TEAD1: variants seen among roughly 807,000 people sequenced by gnomAD.
TEAD1 encodes the protein TEA domain transcription factor 1.
TEAD1 carries 9 observed loss-of-function variants against 54.9 expected under a neutral mutation model. That is an observed-to-expected ratio of 0.16 (90% confidence interval 0.10 to 0.29). The LOEUF is 0.29. TEAD1 is among the 10% of genes least tolerant of loss of function. The pLI is 1.00. For synonymous variants in TEAD1, 200 were observed against 187.8 expected, an observed-to-expected ratio of 1.07 and a Z score of -0.53; for missense variants, 387 against 535.9, an observed-to-expected ratio of 0.72 and a Z score of 2.74.
At chr11:12,932,060 CAT>C (rs1248064715) in intron 12 of TEAD1, among the ~76,000 whole-genome samples, 3 of 152,208 alleles carry the variant, frequency 2.0e-5, no homozygotes, top group Non-Finnish European at 4.4e-5. Context: ...GATAATTTTG[CAT>C]ATAATTTTCG....
intron 2 of TEAD1, among the ~76,000 whole-genome samples, chr11:12,756,555 A>G (rs1349536551): frequency 6.6e-6 from 1 of 152,226 alleles, no homozygotes; most frequent in Non-Finnish European, 1.5e-5. Context: ...CATTCCTCTC[A>G]GCTGCCCACA....
At chr11:12,799,307 T>G (rs1946002486) in intron 3 of TEAD1, among the ~76,000 whole-genome samples, 1 of 152,278 alleles carries the variant, frequency 6.6e-6, no homozygotes, top group Admixed American at 6.5e-5. Flanking sequence ...CACAGAGCAC[T>G]GAAGGCGCTT....
chr11:12,936,040 T>G (rs563584690), intron 12 of TEAD1, among the ~76,000 whole-genome samples: 82 of 152,322 alleles, frequency 5.4e-4, no homozygotes, highest in African/African-American at 1.9e-3. Flanking sequence ...AAATTAGGCC[T>G]ATAACAAACT....
intron 9 of TEAD1, among the ~76,000 whole-genome samples, chr11:12,886,876 T>G (rs11022533): frequency 6.6e-5 from 10 of 151,866 alleles, no homozygotes; most frequent in Non-Finnish European, 1.3e-4. Flanking sequence ...CTAATAGATA[T>G]GTTGATGTTT....
intron 5 of TEAD1, among the ~76,000 whole-genome samples, chr11:12,868,844 CT>C (rs1947680129): frequency 7.1e-6 from 1 of 140,594 alleles, no homozygotes; most frequent in African/African-American, 2.4e-5. Context: ...GAACATTGAA[CT>C]TTTCTGTTAT....
chr11:12,774,371 A>G (rs1203586707), intron 3 of TEAD1, among the ~76,000 whole-genome samples: 5 of 152,222 alleles, frequency 3.3e-5, no homozygotes, highest in Non-Finnish European at 7.3e-5. Context: ...GCATTTTTAA[A>G]GAAGGTACCG....
chr11:12,730,308 T>C (rs1944393451), intron 2 of TEAD1, among the ~76,000 whole-genome samples: 1 of 152,150 alleles, frequency 6.6e-6, no homozygotes, highest in South Asian at 2.1e-4. Context: ...TTACTGCCAT[T>C]TCATAGTTGA....
rs1461148875 is a variant in TEAD1, at chr11:12,857,576, C to CTGTGTGTGTGTGTG, written c.203-4673_203-4672insGTGTGTGTGTGTGT. Reference sequence around the variant, plus strand: ...GAATCAAGCATCTCTCTCTCTCTGTCTCTGTGTGTGTGTGTGTGTGTGTGT... The same window carrying CTGTGTGTGTGTGTG: ...GAATCAAGCATCTCTCTCTCTCTGTCTGTGTGTGTGTGTGTCTGTGTGTGTGTGTGTGTGTGTGT... On this transcript the variant is annotated intron_variant, in intron 3 of 12. Transcript: ENST00000527636. Among the ~76,000 whole-genome samples the CTGTGTGTGTGTGTG allele has an allele frequency of 1.3e-4, 9 of 67,962 alleles. 1 individual carries two copies. In the East Asian group the frequency reaches 5.1e-3, roughly 39 times the overall value. The allele number at this position is 67,962 out of a possible 152,430, so 44.6% of individuals were successfully genotyped here.
intron 5 of TEAD1, among the ~76,000 whole-genome samples, chr11:12,870,179 C>T (rs1016335031): frequency 6.6e-5 from 10 of 152,272 alleles, no homozygotes; most frequent in African/African-American, 1.9e-4. Flanking sequence ...TGCGCCCAGC[C>T]GATTTTTGCC....
At chr11:12,747,850 G>A (rs10765989) in intron 2 of TEAD1, among the ~76,000 whole-genome samples, 63,017 of 152,008 alleles carry the variant, frequency 0.41, 13,283 homozygotes, top group South Asian at 0.62. Flanking sequence ...GGCACAGGTA[G>A]TAAGTGGAGG....
chr11:12,886,624 C>G (rs1251143970), intron 9 of TEAD1, among the ~76,000 whole-genome samples: 2 of 151,806 alleles, frequency 1.3e-5, no homozygotes, highest in Non-Finnish European at 2.9e-5. Context: ...TCAGGGGATG[C>G]TAACTGCTTA....
At chr11:12,889,324 C>G (rs973502257) in intron 9 of TEAD1, among the ~76,000 whole-genome samples, 1 of 152,124 alleles carries the variant, frequency 6.6e-6, no homozygotes, top group Non-Finnish European at 1.5e-5. Context: ...TGAAAGTACA[C>G]AGGGAGTGGT....
rs944041461 is a variant in TEAD1 at position 12,718,217 on chromosome 11, C to T, written c.-55+42656C>T. Among the ~76,000 whole-genome samples the T allele has an allele frequency of 5.3e-4, 81 of 152,132 alleles. 1 individual carries two copies. The highest frequency in any genetic ancestry group is 1.7e-3 in the African/African-American group (69 of 41,428). ...GGCATTCTTTGTGAGTAGTGGTTCA[C>T]GGAGGATGCTTGGCCCAGCCACAAC... On this transcript the variant is annotated intron_variant, in intron 2 of 12. Transcript: ENST00000527636.
chr11:12,855,447 G>C (rs1045400396), intron 3 of TEAD1, among the ~76,000 whole-genome samples: 5 of 151,746 alleles, frequency 3.3e-5, no homozygotes, highest in African/African-American at 9.7e-5. Flanking sequence ...GTGCCACCAC[G>C]CCCAGCTTAT....
intron 3 of TEAD1, among the ~76,000 whole-genome samples, chr11:12,817,996 T>C (rs1946451623): frequency 6.6e-6 from 1 of 152,242 alleles, no homozygotes; most frequent in African/African-American, 2.4e-5. Flanking sequence ...TATATCTGGA[T>C]GGCAAAGAAA....
At chr11:12,680,802 TTC>T (rs1437940971) in intron 2 of TEAD1, among the ~76,000 whole-genome samples, 1 of 152,224 alleles carries the variant, frequency 6.6e-6, no homozygotes, top group Non-Finnish European at 1.5e-5. Flanking sequence ...GCTGCTGGGT[TTC>T]TGTCTGATGG....
intron 2 of TEAD1, among the ~76,000 whole-genome samples, chr11:12,691,920 A>G (rs1943465752): frequency 6.6e-6 from 1 of 152,214 alleles, no homozygotes; most frequent in Middle Eastern, 3.2e-3. Flanking sequence ...AAGTGTTTAA[A>G]ATAGAATGTA....
At chr11:12,832,550 G>C (rs1174711244) in intron 3 of TEAD1, among the ~76,000 whole-genome samples, 1 of 152,154 alleles carries the variant, frequency 6.6e-6, no homozygotes, top group East Asian at 1.9e-4. Flanking sequence ...TGTTGTCACA[G>C]CTCAAAACTT....
chr11:12,768,168 A>G (rs1349375133), intron 3 of TEAD1, among the ~76,000 whole-genome samples: 1 of 152,088 alleles, frequency 6.6e-6, no homozygotes, highest in Non-Finnish European at 1.5e-5. Flanking sequence ...AACAGTCTGG[A>G]CTCTATAAAT....
Sources: gnomAD v4.1 joint callset for allele counts (sites outside exome capture counted in the v4.1 genomes callset) on GRCh38, gnomAD v4.1.1 for gene constraint, MANE v1.5 for transcripts, NCBI Gene and HGNC (gene_info 2026-07-23, HGNC 2026-07-21) for gene names.